KSR2: variants seen among roughly 807,000 people sequenced by gnomAD.
KSR2 encodes kinase suppressor of ras 2.
A neutral mutation model predicts 107.8 loss-of-function variants in KSR2; 25 were observed. The ratio of observed to expected loss-of-function variants is 0.23; its 90% CI spans 0.17 to 0.32. The LOEUF (loss-of-function observed/expected upper bound fraction) is 0.32, where lower values mean the gene tolerates loss of function less well. KSR2 is among the 10% of genes least tolerant of loss of function. The pLI is 1.00. For missense variants in KSR2, 887 were observed against 1,268.9 expected, an observed-to-expected ratio of 0.70 and a Z score of 4.57; for synonymous variants, 480 against 507.0, an observed-to-expected ratio of 0.95 and a Z score of 0.71.
chr12:117,794,111 C>T (rs1447799286), intron 3 of KSR2, among the ~76,000 whole-genome samples: 1 of 129,982 alleles, frequency 7.7e-6, no homozygotes, highest in Non-Finnish European at 1.6e-5. Flanking sequence ...CACACTCACA[C>T]CAACATGCAC....
chr12:117,840,210 G>A (rs1462569498), intron 3 of KSR2, among the ~76,000 whole-genome samples: 2 of 151,564 alleles, frequency 1.3e-5, no homozygotes, highest in Non-Finnish European at 2.9e-5. Flanking sequence ...CCATTCTCCT[G>A]CCTCGACGCT....
At chr12:117,645,879 G>A (rs1354410796) in intron 5 of KSR2, among the ~76,000 whole-genome samples, 56 of 111,992 alleles carry the variant, frequency 5.0e-4, no homozygotes, top group East Asian at 2.6e-3. Flanking sequence ...GTGTGTGTGT[G>A]TGTGTGTGTG....
At chr12:117,846,595 C>A (rs979428819) in intron 3 of KSR2, among the ~76,000 whole-genome samples, 2 of 152,112 alleles carry the variant, frequency 1.3e-5, no homozygotes, top group Non-Finnish European at 2.9e-5. Context: ...TAAACCACTG[C>A]GCCCAACTTG....
intron 1 of KSR2, among the ~76,000 whole-genome samples, chr12:117,871,859 GT>G (rs1482455448): frequency 6.6e-6 from 1 of 151,902 alleles, no homozygotes; most frequent in Non-Finnish European, 1.5e-5. Flanking sequence ...GTCTTGGTAT[GT>G]TGCCCAGGCT....
At chr12:117,952,277 T>C (rs1896388613) in intron 1 of KSR2, among the ~76,000 whole-genome samples, 1 of 152,024 alleles carries the variant, frequency 6.6e-6, no homozygotes, top group South Asian at 2.1e-4. Context: ...ACAATAGATA[T>C]CAAATCATCA....
At chr12:117,523,077 G>A (rs910297413) in intron 14 of KSR2, among the ~76,000 whole-genome samples, 1 of 152,180 alleles carries the variant, frequency 6.6e-6, no homozygotes, top group African/African-American at 2.4e-5. Flanking sequence ...CCCATCCCTA[G>A]ATCTCTAATC....
chr12:117,941,039 C>A (rs1004747747), intron 1 of KSR2, among the ~76,000 whole-genome samples: 1 of 151,998 alleles, frequency 6.6e-6, no homozygotes, highest in Non-Finnish European at 1.5e-5. Context: ...GAGCCAAGAT[C>A]GTGCCACTGC....
At chr12:117,951,991 C>T (rs898264296) in intron 1 of KSR2, among the ~76,000 whole-genome samples, 1 of 152,038 alleles carries the variant, frequency 6.6e-6, no homozygotes, top group Non-Finnish European at 1.5e-5. Flanking sequence ...ATGGTGGCTG[C>T]CAGGAGCTGG....
chr12:117,803,428 C>T (rs764985180), intron 3 of KSR2, among the ~76,000 whole-genome samples: 11 of 152,180 alleles, frequency 7.2e-5, no homozygotes, highest in Admixed American at 1.3e-4. Flanking sequence ...ATTGGCCAGG[C>T]GCAGTGGCTC....
In KSR2 at chr12:117,467,160, G is replaced by T; in HGVS notation, c.*39C>A. 1 of 680,792 alleles carries T rather than the reference G, an allele frequency of 1.5e-6. No individual in the cohort carries two copies. The highest frequency in any genetic ancestry group is 1.7e-5 in the South Asian group (1 of 57,380). 42.2% of individuals were successfully genotyped at this position (680,792 alleles called of 1,614,324 possible). On this transcript the variant is annotated 3_prime_UTR_variant, in exon 20 of 20. Coordinates refer to ENST00000339824, the MANE Select transcript of KSR2 (RefSeq NM_173598.6). ...ACAGAGTAGGGAGGGAGAGGTGACG[G>T]GAGCCCAGGCAGCTGGGCGCCGTCC...
chr12:117,842,969 G>T lies in KSR2; in HGVS notation c.472+12459C>A, dbSNP rs1161125220. Among the ~76,000 whole-genome samples, 1 of 147,834 alleles carries T rather than the reference G, an allele frequency of 6.8e-6. No homozygotes were observed. Among genetic ancestry groups the T allele is most frequent in the African/African-American group, 2.6e-5 (1 of 39,082 alleles). On this transcript the variant is annotated intron_variant, in intron 3 of 19. Coordinates refer to ENST00000339824, the MANE Select transcript of KSR2 (RefSeq NM_173598.6). This position sits in a 1 kb window ranked among gnomAD's most constrained non-coding sequence, Gnocchi z 4.2. ...GTGGCTCTGTAGGAAGACTTCCTTGGTTCAGATTCAGCTTGGGAAGGAGGG... is the reference window on the plus strand; with the variant it reads ...GTGGCTCTGTAGGAAGACTTCCTTGTTTCAGATTCAGCTTGGGAAGGAGGG...
At chr12:117,819,931 A>G (rs965747264) in intron 3 of KSR2, among the ~76,000 whole-genome samples, 34 of 152,192 alleles carry the variant, frequency 2.2e-4, no homozygotes, top group African/African-American at 8.2e-4. Flanking sequence ...ATGCATAGGA[A>G]AAAAGCCTAA....
At chr12:117,526,399 A>G (rs1397940418) in intron 13 of KSR2, among the ~76,000 whole-genome samples, 1 of 152,150 alleles carries the variant, frequency 6.6e-6, no homozygotes. Flanking sequence ...ACAGCCTGAG[A>G]AGGTGGCTTC....
At chr12:117,625,867 C>T (rs1007276766) in intron 5 of KSR2, among the ~76,000 whole-genome samples, 3 of 152,086 alleles carry the variant, frequency 2.0e-5, no homozygotes, top group African/African-American at 7.2e-5. Flanking sequence ...TTAATTATTG[C>T]CTCAATTTCA....
chr12:117,608,095 C>T (rs559526562), intron 5 of KSR2, among the ~76,000 whole-genome samples: 11 of 152,338 alleles, frequency 7.2e-5, no homozygotes, highest in African/African-American at 9.6e-5. Flanking sequence ...TTGGAGCAAA[C>T]GATTAAGGCT....
At position 117,897,161 on chromosome 12, in the gene KSR2, T is replaced by C. The variant is rs1047993014; in HGVS notation, c.181-36730A>G. ...GCCACGTGTTCGTCATCAGGAATTA[T>C]TGTTTCATTAACATCCAGCTCCCAA... On this transcript the variant is annotated intron_variant, in intron 1 of 19. Coordinates refer to ENST00000339824, the MANE Select transcript of KSR2 (RefSeq NM_173598.6). The surrounding 1 kb of genome is among the most constrained non-coding windows in gnomAD (Gnocchi z 4.5). 6.6e-6 allele frequency among the ~76,000 whole-genome samples: 1 copy of C among 152,226 alleles called. No homozygotes were observed. Among genetic ancestry groups the C allele is most frequent in the Non-Finnish European group, 1.5e-5 (1 of 68,044 alleles).
intron 4 of KSR2, among the ~76,000 whole-genome samples, chr12:117,670,162 C>A (rs1025772557): frequency 6.6e-6 from 1 of 152,016 alleles, no homozygotes; most frequent in Non-Finnish European, 1.5e-5. Flanking sequence ...GAAAACAGCT[C>A]GGAAATTATA....
chr12:117,900,245 C>G (rs1894641591), intron 1 of KSR2, among the ~76,000 whole-genome samples: 1 of 152,222 alleles, frequency 6.6e-6, no homozygotes, highest in Admixed American at 6.5e-5. Flanking sequence ...TACTCAATAC[C>G]CAACAAAGAG....
At chr12:117,830,167 C>G (rs892562593) in intron 3 of KSR2, among the ~76,000 whole-genome samples, 1 of 152,020 alleles carries the variant, frequency 6.6e-6, no homozygotes, top group Non-Finnish European at 1.5e-5. Context: ...ACTCGGGAGG[C>G]TGGGGCAGGA....
Sources: allele counts gnomAD v4.1 joint callset (sites outside exome capture counted in the v4.1 genomes callset), GRCh38; gene constraint gnomAD v4.1.1; non-coding constraint Gnocchi (gnomAD v3.1); transcripts MANE v1.5; gene names NCBI Gene and HGNC (gene_info 2026-07-23, HGNC 2026-07-21).